Variants in PARD3 observed in about 807,000 individuals in gnomAD.
The protein encoded by PARD3 is partitioning defective 3 homolog.
Under a neutral mutation model 155.4 loss-of-function variants are expected in PARD3, and 75 were observed. The ratio of observed to expected loss-of-function variants is 0.48; its 90% CI spans 0.40 to 0.58. The LOEUF (loss-of-function observed/expected upper bound fraction) is 0.58. PARD3 is among the 20% of genes least tolerant of loss of function. The pLI is 0.00. For missense variants in PARD3, 1,642 were observed against 1,721.7 expected, an observed-to-expected ratio of 0.95 and a Z score of 0.82; for synonymous variants, 576 against 610.5, an observed-to-expected ratio of 0.94 and a Z score of 0.83.
intron 22 of PARD3, among the ~76,000 whole-genome samples, chr10:34,221,113 C>T (rs1342414485): frequency 6.6e-6 from 1 of 152,224 alleles, no homozygotes; most frequent in East Asian, 1.9e-4. Context: ...ACACAGAACC[C>T]AAGCATGGAG....
At chr10:34,638,081 A>T (rs988715994) in intron 2 of PARD3, among the ~76,000 whole-genome samples, 1 of 152,220 alleles carries the variant, frequency 6.6e-6, no homozygotes, top group Non-Finnish European at 1.5e-5. Context: ...GGTAGACAAA[A>T]GAATAACCAA....
At chr10:34,738,744 C>A (rs193002715) in intron 1 of PARD3, among the ~76,000 whole-genome samples, 15 of 152,036 alleles carry the variant, frequency 9.9e-5, no homozygotes, top group Admixed American at 8.5e-4. Context: ...CAGAGTGAGA[C>A]CCTGTCTTAA....
intron 1 of PARD3, among the ~76,000 whole-genome samples, chr10:34,715,750 C>T (rs928171319): frequency 5.3e-5 from 8 of 152,186 alleles, no homozygotes; most frequent in Admixed American, 2.0e-4. Context: ...TACCATGTGG[C>T]AGGCACGGAA....
chr10:34,576,414 A>C (rs2086892851), intron 2 of PARD3, among the ~76,000 whole-genome samples: 1 of 152,166 alleles, frequency 6.6e-6, no homozygotes, highest in African/African-American at 2.4e-5. Flanking sequence ...TTAAAAATAA[A>C]TACAAGTCAA....
intron 1 of PARD3, among the ~76,000 whole-genome samples, chr10:34,780,676 T>C (rs1840135284): frequency 6.6e-6 from 1 of 152,244 alleles, no homozygotes; most frequent in African/African-American, 2.4e-5. Flanking sequence ...CAGTACGCCC[T>C]TTCTTTTCTC....
intron 1 of PARD3, among the ~76,000 whole-genome samples, chr10:34,812,902 T>C (rs1292770896): frequency 6.6e-6 from 1 of 152,104 alleles, no homozygotes; most frequent in Non-Finnish European, 1.5e-5. Context: ...TGCTAATCGT[T>C]AATAAGGACC....
chr10:34,679,891 T>C (rs976862263), intron 2 of PARD3, among the ~76,000 whole-genome samples: 4 of 151,944 alleles, frequency 2.6e-5, no homozygotes, highest in Admixed American at 2.6e-4. Flanking sequence ...AGTGGGTACA[T>C]ACAGACACAC....
chr10:34,657,389 G>A (rs2093200848), intron 2 of PARD3, among the ~76,000 whole-genome samples: 1 of 151,916 alleles, frequency 6.6e-6, no homozygotes, highest in Non-Finnish European at 1.5e-5. Context: ...AATAATTATT[G>A]TCCAAAAAAA....
chr10:34,799,656 A>G (rs1289429799), intron 1 of PARD3, among the ~76,000 whole-genome samples: 1 of 152,166 alleles, frequency 6.6e-6, no homozygotes, highest in Non-Finnish European at 1.5e-5. Flanking sequence ...GTCATGGTAT[A>G]GCAACTCACT....
At chr10:34,270,163 CAG>C (rs1955545591) in intron 21 of PARD3, among the ~76,000 whole-genome samples, 2 of 133,992 alleles carry the variant, frequency 1.5e-5, no homozygotes, top group Non-Finnish European at 1.6e-5. Flanking sequence ...TTTTTTGAGA[CAG>C]AGTCTCACTC....
At chr10:34,497,679 T>C (rs112444610) in intron 3 of PARD3, among the ~76,000 whole-genome samples, 1,774 of 152,256 alleles carry the variant, frequency 0.012, 31 homozygotes, top group African/African-American at 0.038. Flanking sequence ...CTGAAAAGAA[T>C]TGCTAAATCA....
intron 3 of PARD3, among the ~76,000 whole-genome samples, chr10:34,502,807 T>C (rs1038658630): frequency 1.3e-5 from 2 of 152,086 alleles, no homozygotes; most frequent in African/African-American, 4.8e-5. Context: ...TTTCCCACTT[T>C]TGAAGAAAAG....
At chr10:34,502,978 T>C (rs1478991515) in intron 3 of PARD3, among the ~76,000 whole-genome samples, 1 of 152,130 alleles carries the variant, frequency 6.6e-6, no homozygotes, top group Non-Finnish European at 1.5e-5. Context: ...CACAGACCCA[T>C]ACTCAGAATT....
chr10:34,355,924 C>CAAAAAAAAAAAA (rs869284165), intron 14 of PARD3, among the ~76,000 whole-genome samples: 12 of 42,710 alleles, frequency 2.8e-4, no homozygotes, highest in East Asian at 8.9e-4. Flanking sequence ...CACTCCGTCT[C>CAAAAAAAAAAAA]AAAAAAAAAA....
At chr10:34,530,996 A>C (rs541715957) in intron 2 of PARD3, among the ~76,000 whole-genome samples, 1 of 152,212 alleles carries the variant, frequency 6.6e-6, no homozygotes, top group Non-Finnish European at 1.5e-5. Flanking sequence ...TATCAATAGA[A>C]CAATCTGGAA....
chr10:34,352,245 T>C (rs1364600652), intron 14 of PARD3, among the ~76,000 whole-genome samples: 1 of 152,238 alleles, frequency 6.6e-6, no homozygotes, highest in Non-Finnish European at 1.5e-5. Flanking sequence ...CAAGGAATGA[T>C]GCCTGGCATT....
At chr10:34,218,656 T>A (rs1053007631) in intron 22 of PARD3, among the ~76,000 whole-genome samples, 3 of 151,726 alleles carry the variant, frequency 2.0e-5, no homozygotes, top group African/African-American at 7.3e-5. Flanking sequence ...TTAAAGAAGG[T>A]CGTGACAGCA....
chr10:34,124,743 T>A (rs887459332), intron 23 of PARD3, among the ~76,000 whole-genome samples: 4 of 152,242 alleles, frequency 2.6e-5, no homozygotes, highest in Admixed American at 6.5e-5. Flanking sequence ...GTCTTAATTG[T>A]ATTTGTCTTC....
At chr10:34,320,584 T>C (rs76930001) in intron 19 of PARD3, among the ~76,000 whole-genome samples, 4,096 of 152,306 alleles carry the variant, frequency 0.027, 171 homozygotes, top group African/African-American at 0.094. Context: ...GGCAGTGCCT[T>C]CACAACTCAC....
Sources: gnomAD v4.1 joint callset for allele counts (sites outside exome capture counted in the v4.1 genomes callset) on GRCh38, gnomAD v4.1.1 for gene constraint, MANE v1.5 for transcripts, NCBI Gene and HGNC (gene_info 2026-07-23, HGNC 2026-07-21) for gene names.